The following CCSER1 variants were observed in gnomAD, a reference collection of about 807,000 sequenced individuals.
CCSER1 encodes coiled-coil serine rich protein 1, also known as serine-rich coiled-coil domain-containing protein 1.
A neutral mutation model predicts 82.0 loss-of-function variants in CCSER1; 41 were observed. The observed-to-expected ratio is 0.50, with a 90% CI of 0.39 to 0.65. CCSER1 has a LOEUF of 0.65. Ranked by LOEUF, CCSER1 falls within the 30% of genes least tolerant of loss-of-function variation. The pLI is 0.00. For synonymous variants in CCSER1, 414 were observed against 383.9 expected (o/e 1.08, Z -0.92); for missense variants, 1,119 against 1,064.2 (o/e 1.05, Z -0.72).
chr4:90,670,900 G>A (rs961909083), intron 6 of CCSER1, among the ~76,000 whole-genome samples: 4 of 151,986 alleles, frequency 2.6e-5, no homozygotes, highest in Admixed American at 6.6e-5. Flanking sequence ...GAGATACTGA[G>A]AATTTGGTTC....
chr4:91,124,518 C>T (rs1727340278), intron 10 of CCSER1, among the ~76,000 whole-genome samples: 1 of 151,790 alleles, frequency 6.6e-6, no homozygotes, highest in Non-Finnish European at 1.5e-5. Context: ...CCCCATCTCC[C>T]TCATCCCATT....
chr4:91,595,407 A>G (rs1764517271), intron 10 of CCSER1, among the ~76,000 whole-genome samples: 1 of 152,154 alleles, frequency 6.6e-6, no homozygotes, highest in East Asian at 1.9e-4. Flanking sequence ...AGAGAAAGTG[A>G]CTTTCTTTTT....
chr4:90,289,011 T>G (rs72879759), intron 1 of CCSER1, among the ~76,000 whole-genome samples: 3 of 151,834 alleles, frequency 2.0e-5, no homozygotes, highest in African/African-American at 7.2e-5. Flanking sequence ...TGGTGAGCCA[T>G]TCTCCCCTTT....
At chr4:90,577,709 G>T (rs997185652) in intron 5 of CCSER1, among the ~76,000 whole-genome samples, 1 of 149,886 alleles carries the variant, frequency 6.7e-6, no homozygotes, top group Non-Finnish European at 1.5e-5. Context: ...TAAAATTTTT[G>T]TATCATATTT....
At chr4:90,384,798 A>G (rs1749757292) in intron 3 of CCSER1, among the ~76,000 whole-genome samples, 1 of 152,190 alleles carries the variant, frequency 6.6e-6, no homozygotes, top group East Asian at 1.9e-4. Flanking sequence ...GATGAATTGT[A>G]TAGTGAGGAA....
intron 9 of CCSER1, among the ~76,000 whole-genome samples, chr4:90,936,601 T>C (rs1438482109): frequency 6.6e-6 from 1 of 152,164 alleles, no homozygotes; most frequent in South Asian, 2.1e-4. Context: ...ATGGTATTTT[T>C]CCCTTCATTT....
chr4:91,473,113 T>C (rs541720282), intron 10 of CCSER1, among the ~76,000 whole-genome samples: 199 of 152,300 alleles, frequency 1.3e-3, no homozygotes, highest in African/African-American at 4.6e-3. Flanking sequence ...AACATAATCC[T>C]TTGCTCAGCC....
intron 4 of CCSER1, among the ~76,000 whole-genome samples, chr4:90,424,164 T>G (rs1757188830): frequency 7.3e-6 from 1 of 137,224 alleles, no homozygotes; most frequent in Non-Finnish European, 1.5e-5. Flanking sequence ...ATAAGGTGTT[T>G]TAGCATTGAT....
At chr4:91,386,371 TG>T (rs1185709455) in intron 10 of CCSER1, among the ~76,000 whole-genome samples, 1 of 152,072 alleles carries the variant, frequency 6.6e-6, no homozygotes, top group African/African-American at 2.4e-5. Flanking sequence ...ACAGAATTCA[TG>T]AGTCTATATT....
chr4:91,390,262 A>T (rs1199424252), intron 10 of CCSER1, among the ~76,000 whole-genome samples: 2 of 151,850 alleles, frequency 1.3e-5, no homozygotes, highest in Non-Finnish European at 2.9e-5. Context: ...TGGCCATTGG[A>T]TATTGTCAAA....
At chr4:91,558,422 T>G (rs187276984) in intron 10 of CCSER1, among the ~76,000 whole-genome samples, 14 of 151,536 alleles carry the variant, frequency 9.2e-5, no homozygotes, top group African/African-American at 3.4e-4. Flanking sequence ...ACAATGTGAG[T>G]TTTTTTTGTT....
At position 90,312,877 on chromosome 4, in the gene CCSER1, C is replaced by T. The variant is rs1182496991; in HGVS notation, c.1339C>T (p.Leu447Phe). ...ANPAKVLASS[L>F]SPFREGRFIE... The stretch of plus-strand genomic sequence containing the variant: ...CCTTTCCATAGTTCTTGCCAGTAGT[C>T]TCAGTCCATTTCGTGAAGGAAGATT... Residue 447 changes from leucine to phenylalanine, a missense_variant, in exon 3 of 11, where the codon CTC (leucine) becomes TTC (phenylalanine). By Grantham distance (22) the Leu-to-Phe change is conservative (BLOSUM62 0). Transcript: ENST00000509176. The T allele has an allele frequency of 8.9e-6, 14 of 1,568,322 alleles. No individual in the cohort carries two copies. The highest frequency in any genetic ancestry group is 1.1e-5 in the Non-Finnish European group (13 of 1,154,748).
intron 9 of CCSER1, among the ~76,000 whole-genome samples, chr4:91,018,927 ATAT>A (rs1188472353): frequency 6.6e-6 from 1 of 152,042 alleles, no homozygotes; most frequent in African/African-American, 2.4e-5. Flanking sequence ...TGCTAATCAA[ATAT>A]TATTGTGATA....
At chr4:90,721,122 T>C (rs1713021531) in intron 6 of CCSER1, among the ~76,000 whole-genome samples, 1 of 151,842 alleles carries the variant, frequency 6.6e-6, no homozygotes, top group Non-Finnish European at 1.5e-5. Context: ...AACCTAAGGA[T>C]GACACTTAGG....
At chr4:91,384,262 G>A (rs991645276) in intron 10 of CCSER1, among the ~76,000 whole-genome samples, 20 of 151,994 alleles carry the variant, frequency 1.3e-4, no homozygotes, top group African/African-American at 4.6e-4. Context: ...TTGGCTGAGT[G>A]AATCCATGGT....
rs116374645 is a variant in CCSER1, at chr4:91,504,118, G to T, written c.2218-94454G>T. Among the ~76,000 whole-genome samples the T allele has an allele frequency of 1.9e-3, 282 of 152,258 alleles. 3 individuals carry two copies. The highest frequency in any genetic ancestry group is 6.4e-3 in the African/African-American group (264 of 41,562). On this transcript the variant is annotated intron_variant, in intron 10 of 10. Coordinates refer to ENST00000509176, the MANE Select transcript of CCSER1 (RefSeq NM_001145065.2). ...AAGGACTACATGTCACAGAAAAATTGTAAGTATGGTTTCAAGAAATATGAA... is the reference window on the plus strand; with the variant it reads ...AAGGACTACATGTCACAGAAAAATTTTAAGTATGGTTTCAAGAAATATGAA...
At chr4:90,780,432 G>T (rs1392175623) in intron 7 of CCSER1, 2 of 1,609,662 alleles carry the variant, frequency 1.2e-6, no homozygotes, top group East Asian at 2.2e-5. Context: ...TATTTTTATT[G>T]TTTTTACAGA....
At chr4:90,973,508 A>G (rs1180303726) in intron 9 of CCSER1, among the ~76,000 whole-genome samples, 1 of 151,676 alleles carries the variant, frequency 6.6e-6, no homozygotes, top group Non-Finnish European at 1.5e-5. Flanking sequence ...ATGACAAAAC[A>G]TGACAGGTGT....
intron 10 of CCSER1, among the ~76,000 whole-genome samples, chr4:91,263,509 A>C (rs1741349182): frequency 6.6e-6 from 1 of 152,022 alleles, no homozygotes; most frequent in Admixed American, 6.5e-5. Context: ...GAGGATGCTG[A>C]GTTCTATAAA....
Sources: allele counts gnomAD v4.1 joint callset (sites outside exome capture counted in the v4.1 genomes callset), GRCh38; gene constraint gnomAD v4.1.1; transcripts MANE v1.5; gene names NCBI Gene and HGNC (gene_info 2026-07-23, HGNC 2026-07-21).